The following DBF4 variants were observed in gnomAD, a reference collection of about 807,000 sequenced individuals.
DBF4 encodes the protein protein DBF4 homolog A.
DBF4 carries 25 observed loss-of-function variants against 76.6 expected under a neutral mutation model. The ratio of observed to expected loss-of-function variants is 0.33; its 90% CI spans 0.24 to 0.46. DBF4 has a LOEUF of 0.46. Ranked by LOEUF, DBF4 falls within the 20% of genes least tolerant of loss-of-function variation. DBF4 has a pLI of 1.00. For synonymous variants in DBF4, 213 were observed against 258.0 expected, an observed-to-expected ratio of 0.83 and a Z score of 1.67; for missense variants, 638 against 760.8, an observed-to-expected ratio of 0.84 and a Z score of 1.90.
rs1839637265 is a variant in DBF4, at chr7:87,896,294, G to A, written c.598-180G>A. ...AAATCAATTATAGCTAGAATGCAAGGTACTTGCTGAGTGTATTGTAAAACA... is the reference window on the plus strand; with the variant it reads ...AAATCAATTATAGCTAGAATGCAAGATACTTGCTGAGTGTATTGTAAAACA... On this transcript the variant is annotated intron_variant, in intron 6 of 11. Coordinates refer to ENST00000265728, the MANE Select transcript of DBF4 (RefSeq NM_006716.4). 9.5e-6 allele frequency: 5 copies of A among 527,528 alleles called. No individual in the cohort carries two copies. The South Asian group carries it at 1.3e-4, about 13-fold the overall frequency. The allele number at this position is 527,528 out of a possible 1,614,324, so 32.7% of individuals were successfully genotyped here. A position where few individuals can be genotyped will look rare whatever the true frequency, so the allele number is the denominator to read the frequency against.
chr7:87,883,510 A>G (rs139773524), intron 2 of DBF4, among the ~76,000 whole-genome samples: 52 of 152,288 alleles, frequency 3.4e-4, no homozygotes, highest in Non-Finnish European at 5.9e-4. Flanking sequence ...CCTCATATTT[A>G]TGAAAATGAA....
chr7:87,898,181 G>T (rs974678581), intron 8 of DBF4, among the ~76,000 whole-genome samples: 3 of 152,158 alleles, frequency 2.0e-5, no homozygotes, highest in Non-Finnish European at 4.4e-5. Context: ...GACATCTGTG[G>T]TTAATTCTCT....
chr7:87,893,558 C>T (rs1464775921), intron 6 of DBF4, among the ~76,000 whole-genome samples: 1 of 152,204 alleles, frequency 6.6e-6, no homozygotes, highest in Non-Finnish European at 1.5e-5. Context: ...TTATGTCTTC[C>T]TGGTGAATTG....
intron 11 of DBF4, among the ~76,000 whole-genome samples, chr7:87,906,909 A>G (rs1839926593): frequency 6.6e-6 from 1 of 152,150 alleles, no homozygotes; most frequent in Non-Finnish European, 1.5e-5. Context: ...TTAAATGTCA[A>G]AATTCAGGAT....
chr7:87,885,881 A>C (rs940717671), intron 3 of DBF4, among the ~76,000 whole-genome samples: 1 of 152,194 alleles, frequency 6.6e-6, no homozygotes, highest in Admixed American at 6.5e-5. Context: ...AGACAAATTA[A>C]ATTGATTTAA....
At chr7:87,885,258 C>T (rs1423759171) in intron 3 of DBF4, 100 bp downstream of exon 3, 1 of 1,040,286 alleles carries the variant, frequency 9.6e-7, no homozygotes, top group East Asian at 2.5e-5. Context: ...TTATGTAGAA[C>T]ATTTGCAAAG....
At chr7:87,891,172 CTT>C (rs200764553) in intron 6 of DBF4, among the ~76,000 whole-genome samples, 7 of 119,136 alleles carry the variant, frequency 5.9e-5, no homozygotes, top group Non-Finnish European at 1.3e-4. Context: ...TTGGGCTTTT[CTT>C]TTTTTTTTTT....
rs774070238 is a variant in DBF4 at position 87,907,274 on chromosome 7, A to C, written c.1136A>C (p.His379Pro). The change falls in exon 12 of 12, where the codon CAT becomes CCT. Residue 379 changes from histidine (H) to proline (P), a missense_variant. Physicochemically the swap from His to Pro is moderately conservative, Grantham distance 77. Transcript: ENST00000265728. ...CAAAAGGAAAAAGTGGAATTGCAAC[A>C]TATTTCTCAGAAAGATTGCCAGGAA... ...TEQKEKVELQ[H>P]ISQKDCQEDD... The C allele has an allele frequency of 3.7e-6, 6 of 1,613,888 alleles. No homozygotes were observed. In the African/African-American group the frequency reaches 6.7e-5, roughly 18 times the overall value.
intron 6 of DBF4, among the ~76,000 whole-genome samples, chr7:87,892,173 T>C (rs563065089): frequency 6.6e-6 from 1 of 152,254 alleles, no homozygotes; most frequent in Non-Finnish European, 1.5e-5. Context: ...TTGACAAGTA[T>C]GATTATGACG....
In DBF4 at chr7:87,904,434, C is replaced by T. The variant is rs1465877706; in HGVS notation, c.1049+18C>T. On this transcript the variant is annotated intron_variant, in intron 11 of 11. Transcript: ENST00000265728. ...AAGAAAAGGTAATTAGTTTTATCAA[C>T]CTAAGTTTTAAATTCTACTAGGCGG... 1.9e-6 allele frequency: 3 copies of T among 1,606,600 alleles called. No homozygotes were observed. The highest frequency in any genetic ancestry group is 2.6e-6 in the Non-Finnish European group (3 of 1,175,772).
intron 6 of DBF4, among the ~76,000 whole-genome samples, chr7:87,891,390 T>C (rs941724354): frequency 6.6e-6 from 1 of 152,156 alleles, no homozygotes; most frequent in Non-Finnish European, 1.5e-5. Context: ...TTGGTAGAAT[T>C]TACTAGCAAG....
intron 6 of DBF4, among the ~76,000 whole-genome samples, chr7:87,893,540 C>T (rs1166443635): frequency 5.9e-5 from 9 of 152,186 alleles, no homozygotes; most frequent in African/African-American, 1.2e-4. Flanking sequence ...CCACCGCGCC[C>T]GGCCTTCTTA....
At chr7:87,897,178 T>C (rs1839662195) in intron 7 of DBF4, 116 bp from the exon 8 acceptor site, 1 of 938,172 alleles carries the variant, frequency 1.1e-6, no homozygotes, top group Non-Finnish European at 1.6e-6. Context: ...CTTAAAACTT[T>C]AAAGTGGATA....
intron 6 of DBF4, among the ~76,000 whole-genome samples, chr7:87,889,541 A>G (rs752403181): frequency 1.3e-5 from 2 of 152,012 alleles, no homozygotes; most frequent in African/African-American, 2.4e-5. Context: ...CAGCCTCCCA[A>G]AGTGCTGAGA....
At chr7:87,882,301 C>G (rs1483582590) in intron 2 of DBF4, among the ~76,000 whole-genome samples, 1 of 152,104 alleles carries the variant, frequency 6.6e-6, no homozygotes, top group Admixed American at 6.5e-5. Flanking sequence ...GAAGTTGGAC[C>G]TTTACTGTCA....
At chr7:87,884,875 T>C (rs1199664541) in intron 2 of DBF4, 104 bp from the exon 3 acceptor site, 1 of 814,210 alleles carries the variant, frequency 1.2e-6, no homozygotes, top group East Asian at 2.7e-5. Flanking sequence ...GGGTTGAGGC[T>C]GCAGTGAGCT....
chr7:87,883,644 G>A (rs879571940), intron 2 of DBF4, among the ~76,000 whole-genome samples: 1 of 152,050 alleles, frequency 6.6e-6, no homozygotes, highest in African/African-American at 2.4e-5. Context: ...AATGTTGGTC[G>A]GAAAAGAAAT....
intron 8 of DBF4, among the ~76,000 whole-genome samples, chr7:87,899,031 TAG>T (rs1839705262): frequency 6.6e-6 from 1 of 152,102 alleles, no homozygotes; most frequent in African/African-American, 2.4e-5. Flanking sequence ...TTGAGAAAAC[TAG>T]ATATACACAT....
chr7:87,883,435 C>T (rs1006746540), intron 2 of DBF4, among the ~76,000 whole-genome samples: 1 of 152,000 alleles, frequency 6.6e-6, no homozygotes, highest in Non-Finnish European at 1.5e-5. Flanking sequence ...TTATATTTAT[C>T]ACAATAAAAG....
Sources: allele counts gnomAD v4.1 joint callset (sites outside exome capture counted in the v4.1 genomes callset), GRCh38; gene constraint gnomAD v4.1.1; transcripts MANE v1.5; gene names NCBI Gene and HGNC (gene_info 2026-07-23, HGNC 2026-07-21).